The following SEMA6A variants were observed in gnomAD, a reference collection of about 807,000 sequenced individuals.
SEMA6A encodes the protein semaphorin-6A.
In SEMA6A, 25 loss-of-function variants were observed where a neutral mutation model predicts 96.8. The ratio of observed to expected loss-of-function variants is 0.26; its 90% confidence interval spans 0.19 to 0.36. The LOEUF (loss-of-function observed/expected upper bound fraction) is 0.36. Among genes scored for constraint, SEMA6A ranks in the 10% least tolerant of loss-of-function variants. The pLI, the probability that SEMA6A is intolerant of heterozygous loss-of-function variation, is 1.00. For synonymous variants in SEMA6A, 612 were observed against 518.0 expected (o/e 1.18, Z -2.46); for missense variants, 1,363 against 1,323.1 (o/e 1.03, Z -0.47).
chr5:116,573,224 CAGTG>C (rs943118125), intron 1 of SEMA6A, among the ~76,000 whole-genome samples: 8 of 152,220 alleles, frequency 5.3e-5, no homozygotes, highest in Non-Finnish European at 8.8e-5. Context: ...CCCTAGGACA[CAGTG>C]AGGAGTCGGA....
rs749288510 is a variant in SEMA6A at position 116,467,731 on chromosome 5, G to A, written c.1746C>T (p.Leu582=). Residue 582 remains leucine, a synonymous_variant, in exon 18 of 19, where the codon CTC becomes CTT. Transcript: ENST00000343348. ...AATCTGATGTGGTTGTGCTGGGCAA[G>A]AGGGAACTGGAATGCCCTGTTTTCA... The part of the protein sequence containing the change: ...FVALNGHSSS[L]LPSTTTSDST... 3 of 1,613,786 alleles carry A rather than the reference G, an allele frequency of 1.9e-6. No individual in the cohort carries two copies. Among genetic ancestry groups the A allele is most frequent in the Non-Finnish European group, 1.7e-6 (2 of 1,179,816 alleles).
intron 1 of SEMA6A, among the ~76,000 whole-genome samples, chr5:116,521,520 G>A (rs931794643): frequency 2.0e-5 from 3 of 152,186 alleles, no homozygotes; most frequent in African/African-American, 4.8e-5. Flanking sequence ...AGTCATGGGT[G>A]GGGACACTGG....
chr5:116,560,956 G>A (rs1208882757), intron 1 of SEMA6A, among the ~76,000 whole-genome samples: 2 of 152,212 alleles, frequency 1.3e-5, no homozygotes, highest in Non-Finnish European at 2.9e-5. Flanking sequence ...TAGGAAAAAT[G>A]TGAGAACTAT....
intron 1 of SEMA6A, among the ~76,000 whole-genome samples, chr5:116,539,061 T>C (rs910558004): frequency 1.3e-5 from 2 of 150,030 alleles, no homozygotes; most frequent in Non-Finnish European, 3.0e-5. Flanking sequence ...CTCCATTATA[T>C]AGAAGATAAT....
chr5:116,538,630 G>A (rs1759829367), intron 1 of SEMA6A, among the ~76,000 whole-genome samples: 2 of 152,072 alleles, frequency 1.3e-5, no homozygotes, highest in African/African-American at 4.8e-5. Flanking sequence ...TTTTTTATCT[G>A]TCCTTAAACT....
At chr5:116,479,990 A>C in intron 12 of SEMA6A, 132 bp downstream of exon 12, 1 of 1,068,884 alleles carries the variant, frequency 9.4e-7, no homozygotes, top group Non-Finnish European at 1.4e-6. Flanking sequence ...ATCGGCCACC[A>C]TTTCACAGCT....
chr5:116,530,967 C>T (rs1759442936), intron 1 of SEMA6A, among the ~76,000 whole-genome samples: 1 of 152,118 alleles, frequency 6.6e-6, no homozygotes, highest in Non-Finnish European at 1.5e-5. Context: ...ATTATTATCC[C>T]CATTTGACAG....
intron 18 of SEMA6A, among the ~76,000 whole-genome samples, chr5:116,466,059 TAA>T (rs35801222): frequency 0.43 from 39,840 of 93,544 alleles, 7,480 homozygotes; most frequent in Non-Finnish European, 0.49. Context: ...AAAACCAGCT[TAA>T]AAAAAAAAAA....
chr5:116,480,187 G>A lies in SEMA6A; in HGVS notation c.1185C>T (p.His395=), dbSNP rs1248667913. The stretch of plus-strand genomic sequence containing the variant: ...AGGGCACTGCCTCATCCATGAGCGG[G>A]TGCGTCTTGATGAAGTTCAGGGTAT... ...PDDTLNFIKT[H]PLMDEAVPSI... The change falls in exon 12 of 19, where the codon CAC becomes CAT. Residue 395 remains histidine (H), a synonymous_variant. Coordinates refer to ENST00000343348, the MANE Select transcript of SEMA6A (RefSeq NM_020796.5). 1.2e-6 allele frequency: 2 copies of A among 1,613,740 alleles called. No individual in the cohort carries two copies. Among genetic ancestry groups the A allele is most frequent in the African/African-American group, 1.3e-5 (1 of 74,912 alleles).
At position 116,467,618 on chromosome 5, in the gene SEMA6A, C is replaced by T. The variant is rs534855769; in HGVS notation, c.1859G>A (p.Gly620Glu). ...LDSPDSTDPL[G>E]AVSSHNHQDK... ...TTGGTGATTATGGGAAGACACTGCC[C>T]CCAAAGGGTCTGTGCTGTCAGGTGA... The change falls in exon 18 of 19, where the codon GGG (glycine) becomes GAG (glutamate). Residue 620 changes from glycine to glutamate, a missense_variant. Gly to Glu is a moderately conservative substitution (Grantham distance 98, BLOSUM62 -2). Transcript: ENST00000343348. The T allele has an allele frequency of 1.7e-5, 28 of 1,613,390 alleles. No homozygotes were observed. In the South Asian group the frequency reaches 2.6e-4, roughly 15 times the overall value.
At chr5:116,458,928 C>T (rs1328555066) in intron 18 of SEMA6A, among the ~76,000 whole-genome samples, 1 of 152,108 alleles carries the variant, frequency 6.6e-6, no homozygotes, top group African/African-American at 2.4e-5. Flanking sequence ...CATGGAAACC[C>T]ACATCATCCA....
At chr5:116,550,879 C>G (rs925193268) in intron 1 of SEMA6A, among the ~76,000 whole-genome samples, 2 of 152,160 alleles carry the variant, frequency 1.3e-5, no homozygotes, top group African/African-American at 2.4e-5. Context: ...CATACTTCAG[C>G]CCTGGAGATC....
At chr5:116,519,563 A>G (rs1049025727) in intron 1 of SEMA6A, among the ~76,000 whole-genome samples, 4 of 152,124 alleles carry the variant, frequency 2.6e-5, no homozygotes, top group Non-Finnish European at 5.9e-5. Flanking sequence ...GTGCGGGAAC[A>G]GTGCGGATAT....
At chr5:116,535,809 T>TCAAGAAAA (rs1759683032) in intron 1 of SEMA6A, among the ~76,000 whole-genome samples, 1 of 152,260 alleles carries the variant, frequency 6.6e-6, no homozygotes, top group Non-Finnish European at 1.5e-5. Context: ...CTCTTGATTT[T>TCAAGAAAA]TCAACAATTC....
chr5:116,519,026 G>A (rs867527730), intron 1 of SEMA6A, among the ~76,000 whole-genome samples: 5 of 152,062 alleles, frequency 3.3e-5, no homozygotes, highest in Middle Eastern at 3.4e-3. Context: ...ATTCTAAAAT[G>A]TTATGCAAGA....
At chr5:116,459,211 T>G (rs1042936538) in intron 18 of SEMA6A, among the ~76,000 whole-genome samples, 1 of 152,136 alleles carries the variant, frequency 6.6e-6, no homozygotes, top group Non-Finnish European at 1.5e-5. Flanking sequence ...GCAAGAAGCA[T>G]CTACCAGGAA....
At chr5:116,547,258 G>T (rs1760224290) in intron 1 of SEMA6A, among the ~76,000 whole-genome samples, 1 of 152,196 alleles carries the variant, frequency 6.6e-6, no homozygotes, top group African/African-American at 2.4e-5. Context: ...TGATGTTGCT[G>T]AAATATCTCA....
intron 18 of SEMA6A, among the ~76,000 whole-genome samples, chr5:116,454,537 A>G (rs1754870053): frequency 6.6e-6 from 1 of 152,138 alleles, no homozygotes; most frequent in African/African-American, 2.4e-5. Context: ...TGTAATCCCT[A>G]TTAAGAAGAG....
chr5:116,503,578 C>A (rs1757998422), intron 2 of SEMA6A, among the ~76,000 whole-genome samples: 1 of 147,116 alleles, frequency 6.8e-6, no homozygotes. Context: ...GTGGTGTGAT[C>A]TCGGCTTACT....
Sources: allele counts gnomAD v4.1 joint callset (sites outside exome capture counted in the v4.1 genomes callset), GRCh38; gene constraint gnomAD v4.1.1; transcripts MANE v1.5; gene names NCBI Gene and HGNC (gene_info 2026-07-23, HGNC 2026-07-21).